Variants in RYR2 observed in about 807,000 individuals in gnomAD.
RYR2 encodes the protein cardiac muscle ryanodine receptor-calcium release channel.
Under a neutral mutation model 601.1 loss-of-function variants are expected in RYR2, and 227 were observed. That is an observed-to-expected ratio of 0.38 (90% CI 0.34 to 0.42). The LOEUF (loss-of-function observed/expected upper bound fraction) is 0.42, where lower values mean the gene tolerates loss of function less well. Among genes scored for constraint, RYR2 ranks in the 10% least tolerant of loss-of-function variants. The pLI, the probability that RYR2 is intolerant of heterozygous loss-of-function variation, is 1.00. For synonymous variants in RYR2, 2,223 were observed against 2,175.1 expected, an observed-to-expected ratio of 1.02 and a Z score of -0.61; for missense variants, 4,646 against 6,156.5, an observed-to-expected ratio of 0.75 and a Z score of 8.21.
In RYR2 at chr1:237,783,686, A is replaced by C. The variant is rs781352451; in HGVS notation, c.11974A>C (p.Asn3992His). The C allele has an allele frequency of 9.4e-6, 15 of 1,601,434 alleles. No homozygotes were observed. The Admixed American group carries it at 2.4e-4, about 25-fold the overall frequency. Residue 3992 changes from asparagine to histidine, a missense_variant, in exon 90 of 105, where the codon AAT (asparagine) becomes CAT (histidine). Asn to His is a moderately conservative substitution (Grantham distance 68). This residue lies in a region of RYR2 where 90 missense variants were observed against 213.3 expected (regional missense o/e 0.42). Coordinates refer to ENST00000366574, the MANE Select transcript of RYR2 (RefSeq NM_001035.3). Reference sequence around the variant, plus strand: ...TGCTTTACCACCAGGTAATGTTGTTAATGGAACGATTGGCAAACAGATGGT... The same window carrying C: ...TGCTTTACCACCAGGTAATGTTGTTCATGGAACGATTGGCAAACAGATGGT... ...LLSMLEGNVVNGTIGKQMVDM... is the reference protein window; with the variant it reads ...LLSMLEGNVVHGTIGKQMVDM...
chr1:237,538,267 C>T (rs1668860795), intron 25 of RYR2, among the ~76,000 whole-genome samples: 2 of 150,374 alleles, frequency 1.3e-5, no homozygotes, highest in African/African-American at 2.4e-5. Context: ...TGGTGGTGAA[C>T]ACCTGTAATC....
intron 3 of RYR2, among the ~76,000 whole-genome samples, chr1:237,339,162 T>C (rs941632437): frequency 2.6e-5 from 4 of 152,142 alleles, no homozygotes; most frequent in African/African-American, 9.7e-5. Context: ...AATGTAGAGA[T>C]ACCTGCCACT....
At position 237,660,903 on chromosome 1, in the gene RYR2, A is replaced by T. The variant is rs1275797500; in HGVS notation, c.8392A>T (p.Met2798Leu). 8.5e-6 allele frequency: 13 copies of T among 1,522,244 alleles called. No homozygotes were observed. The highest frequency in any genetic ancestry group is 1.4e-5 in the African/African-American group (1 of 72,128). 94.3% of individuals were successfully genotyped at this position (1,522,244 alleles called of 1,614,324 possible). Reference sequence around the variant, plus strand: ...TGAAAGAACTCGGGAGGGAGACAGCATGGCCCTTTACAACCGGACTCGTCG... The same window carrying T: ...TGAAAGAACTCGGGAGGGAGACAGCTTGGCCCTTTACAACCGGACTCGTCG... ...RIERTREGDSMALYNRTRRIS... is the reference protein window; with the variant it reads ...RIERTREGDSLALYNRTRRIS... The change falls in exon 56 of 105, where the codon ATG becomes TTG. Residue 2798 changes from methionine to leucine, a missense_variant. Coordinates refer to ENST00000366574, the MANE Select transcript of RYR2 (RefSeq NM_001035.3).
intron 8 of RYR2, among the ~76,000 whole-genome samples, chr1:237,386,151 A>G (rs557436353): frequency 6.6e-6 from 1 of 152,328 alleles, no homozygotes; most frequent in African/African-American, 2.4e-5. Context: ...AATTATTGCC[A>G]AGTCTTATGT....
intron 1 of RYR2, among the ~76,000 whole-genome samples, chr1:237,194,827 C>T (rs1680378330): frequency 6.6e-6 from 1 of 152,146 alleles, no homozygotes; most frequent in African/African-American, 2.4e-5. Context: ...TTGAATCTTT[C>T]CTTGGCATCT....
chr1:237,569,180 G>C lies in RYR2; in HGVS notation c.3459G>C (p.Gly1153=). Residue 1153 remains glycine, a synonymous_variant, in exon 29 of 105, where the codon GGG becomes GGC. Transcript: ENST00000366574. ...GGCATCAGGGCAATGAACACTATGGGCGCTCTTGGCAAGCAGGCGATGTCG... is the reference window on the plus strand; with the variant it reads ...GGCATCAGGGCAATGAACACTATGGCCGCTCTTGGCAAGCAGGCGATGTCG... ...QRWHQGNEHY[G]RSWQAGDVVG... 3 of 1,613,846 alleles carry C rather than the reference G, an allele frequency of 1.9e-6. No individual in the cohort carries two copies. Among genetic ancestry groups the C allele is most frequent in the Non-Finnish European group, 2.5e-6 (3 of 1,179,842 alleles).
At chr1:237,534,993 A>G (rs1214616304) in intron 25 of RYR2, among the ~76,000 whole-genome samples, 1 of 151,886 alleles carries the variant, frequency 6.6e-6, no homozygotes, top group Non-Finnish European at 1.5e-5. Context: ...TTAAAATCAA[A>G]TCTCTTGGCA....
chr1:237,461,547 G>T (rs975438618), intron 16 of RYR2, among the ~76,000 whole-genome samples: 1 of 151,962 alleles, frequency 6.6e-6, no homozygotes, highest in African/African-American at 2.4e-5. Context: ...CTCTGATGTC[G>T]CTGATTCTGT....
chr1:237,628,156 A>C, intron 41 of RYR2, 76 bp downstream of exon 41: 1 of 1,450,044 alleles, frequency 6.9e-7, no homozygotes, highest in African/African-American at 1.4e-5. Context: ...CAGTACATTA[A>C]CTACATTGAT....
chr1:237,604,165 G>C lies in RYR2; in HGVS notation c.4683+2054G>C, dbSNP rs1288994283. ...CACTTACTCCAAAATTGACCACATA[G>C]TTGGAAGTAAAGCACTCCTCAGCAA... On this transcript the variant is annotated intron_variant, in intron 35 of 104. Coordinates refer to ENST00000366574, the MANE Select transcript of RYR2 (RefSeq NM_001035.3). Among the ~76,000 whole-genome samples, 13 of 152,160 alleles carry C rather than the reference G, an allele frequency of 8.5e-5. No homozygotes were observed. The East Asian group carries it at 2.5e-3, about 29-fold the overall frequency.
chr1:237,042,980 G>A (rs1660104613), intron 1 of RYR2, among the ~76,000 whole-genome samples: 2 of 152,046 alleles, frequency 1.3e-5, no homozygotes, highest in Admixed American at 1.3e-4. Context: ...GGGGGCGCGG[G>A]GAGCGGCGGG....
At chr1:237,769,249 T>G (rs1431572409) in intron 84 of RYR2, among the ~76,000 whole-genome samples, 1 of 152,190 alleles carries the variant, frequency 6.6e-6, no homozygotes, top group South Asian at 2.1e-4. Flanking sequence ...CTCTTCTGAT[T>G]AAGGTGACTC....
intron 79 of RYR2, among the ~76,000 whole-genome samples, chr1:237,739,518 T>C (rs1008528082): frequency 6.6e-6 from 1 of 152,220 alleles, no homozygotes; most frequent in African/African-American, 2.4e-5. Context: ...AATTAAACAC[T>C]CAACAATGTT....
intron 12 of RYR2, among the ~76,000 whole-genome samples, 177 bp from the exon 13 acceptor site, chr1:237,441,142 T>C (rs528493965): frequency 6.6e-6 from 1 of 152,290 alleles, no homozygotes; most frequent in East Asian, 1.9e-4. Context: ...CCAATGTGAA[T>C]AATTCAAGCA....
At chr1:237,299,511 T>C (rs1693138661) in intron 2 of RYR2, among the ~76,000 whole-genome samples, 3 of 152,174 alleles carry the variant, frequency 2.0e-5, no homozygotes, top group South Asian at 2.1e-4. Context: ...ACTGTAAAGA[T>C]AATTTTGATG....
At chr1:237,707,737 A>G (rs1303191550) in intron 68 of RYR2, among the ~76,000 whole-genome samples, 1 of 152,124 alleles carries the variant, frequency 6.6e-6, no homozygotes, top group Admixed American at 6.5e-5. Context: ...AGTTGTATAC[A>G]TCTACATGCC....
intron 60 of RYR2, among the ~76,000 whole-genome samples, chr1:237,677,576 T>C (rs1685513103): frequency 6.6e-6 from 1 of 152,172 alleles, no homozygotes; most frequent in Non-Finnish European, 1.5e-5. Context: ...TTTTTTAGTT[T>C]GTGTCTTAAA....
At chr1:237,165,851 A>T (rs1676651226) in intron 1 of RYR2, among the ~76,000 whole-genome samples, 1 of 151,946 alleles carries the variant, frequency 6.6e-6, no homozygotes, top group Non-Finnish European at 1.5e-5. Context: ...AGTAAAAAAA[A>T]ATTAGCCAGG....
chr1:237,669,290 A>C lies in RYR2; in HGVS notation c.8590+1332A>C, dbSNP rs532541037. 2.2e-4 allele frequency among the ~76,000 whole-genome samples: 33 copies of C among 152,310 alleles called. 1 individual carries two copies. The highest frequency in any genetic ancestry group is 5.8e-4 in the East Asian group (3 of 5,166). ...CATGTATACTTCTTTCTACACAGAC[A>C]CGGCAACCATCTGATTTCTCAATCT... On this transcript the variant is annotated intron_variant, in intron 58 of 104. Coordinates refer to ENST00000366574, the MANE Select transcript of RYR2 (RefSeq NM_001035.3).
Sources: gnomAD v4.1 joint callset for allele counts (sites outside exome capture counted in the v4.1 genomes callset) on GRCh38, gnomAD v4.1.1 for gene constraint, gnomAD v4.1.1 regional missense constraint, MANE v1.5 for transcripts, NCBI Gene and HGNC (gene_info 2026-07-23, HGNC 2026-07-21) for gene names.